TDRP: variants seen among roughly 807,000 people sequenced by gnomAD.
TDRP encodes the protein testis development-related protein.
In TDRP, 12 loss-of-function variants were observed where a neutral mutation model predicts 10.5. That is an observed-to-expected ratio of 1.15 (90% CI 0.73 to 1.86). The LOEUF is 1.86. TDRP is among the 40% of genes most tolerant of loss of function. The pLI is 0.00. For missense variants in TDRP, 353 were observed against 229.2 expected (o/e 1.54, Z -3.49); for synonymous variants, 139 against 95.4 (o/e 1.46, Z -2.67).
At chr8:506,144 G>C (rs1468699911) in intron 1 of TDRP, among the ~76,000 whole-genome samples, 1 of 152,154 alleles carries the variant, frequency 6.6e-6, no homozygotes, top group Non-Finnish European at 1.5e-5. Context: ...AGATTTCCCT[G>C]TTTTTGCTGT....
intron 1 of TDRP, among the ~76,000 whole-genome samples, chr8:499,225 T>TTTTTG (rs76093312): frequency 0.12 from 17,612 of 151,958 alleles, 1,237 homozygotes; most frequent in African/African-American, 0.21. Flanking sequence ...TCAAACAACG[T>TTTTTG]TTTTGTTTTG....
intron 1 of TDRP, among the ~76,000 whole-genome samples, chr8:519,273 T>C (rs533178585): frequency 2.0e-5 from 3 of 152,312 alleles, no homozygotes; most frequent in East Asian, 3.9e-4. Flanking sequence ...TCCCCTTTGC[T>C]ATCTCTCTTC....
intron 1 of TDRP, among the ~76,000 whole-genome samples, chr8:538,868 C>T (rs1802417393): frequency 6.6e-6 from 1 of 152,234 alleles, no homozygotes; most frequent in African/African-American, 2.4e-5. Context: ...TCTCACCACA[C>T]TGGTGAGAAA....
At chr8:536,375 G>A (rs1224797960) in intron 1 of TDRP, among the ~76,000 whole-genome samples, 1 of 152,184 alleles carries the variant, frequency 6.6e-6, no homozygotes, top group Admixed American at 6.5e-5. Flanking sequence ...CTGAGGACCT[G>A]AAATAGGGCT....
At chr8:533,904 G>GA (rs1174638703) in intron 1 of TDRP, among the ~76,000 whole-genome samples, 3 of 151,948 alleles carry the variant, frequency 2.0e-5, no homozygotes, top group African/African-American at 7.3e-5. Context: ...TTTAATACAA[G>GA]AAACTCTTTA....
At chr8:534,626 A>G (rs935556) in intron 1 of TDRP, among the ~76,000 whole-genome samples, 83,941 of 152,028 alleles carry the variant, frequency 0.55, 24,540 homozygotes, top group Admixed American at 0.65. Flanking sequence ...AACATGTAAA[A>G]AAAAGGTAGT....
intron 1 of TDRP, among the ~76,000 whole-genome samples, chr8:508,213 T>C (rs1291727506): frequency 6.6e-6 from 1 of 152,104 alleles, no homozygotes; most frequent in African/African-American, 2.4e-5. Flanking sequence ...AAATGAAAAG[T>C]ATAATACATG....
At chr8:508,202 G>C (rs951269187) in intron 1 of TDRP, among the ~76,000 whole-genome samples, 3 of 152,184 alleles carry the variant, frequency 2.0e-5, no homozygotes, top group African/African-American at 7.2e-5. Context: ...GGAATTTCTA[G>C]AAATGAAAAG....
intron 2 of TDRP, 47 bp from the exon 3 acceptor site, chr8:492,791 C>A: frequency 7.2e-7 from 1 of 1,381,000 alleles, no homozygotes; most frequent in South Asian, 1.6e-5. Context: ...GGTCTTAGGG[C>A]CTCAAGCTTT....
In TDRP at chr8:543,481, T is replaced by C. The variant is rs188023510; in HGVS notation, c.108+1169A>G. Among the ~76,000 whole-genome samples the C allele has an allele frequency of 1.3e-3, 204 of 152,200 alleles. 1 individual carries two copies. The highest frequency in any genetic ancestry group is 4.7e-3 in the African/African-American group (196 of 41,498). ...TATTTGTAGCTTCTGCAGTTAACTC[T>C]GTAGCCACATATAAATTCTCATCAT... On this transcript the variant is annotated intron_variant, in intron 1 of 2. Coordinates refer to ENST00000324079, the MANE Select transcript of TDRP (RefSeq NM_001384899.1).
At chr8:525,649 T>G (rs555969309) in intron 1 of TDRP, among the ~76,000 whole-genome samples, 5 of 152,258 alleles carry the variant, frequency 3.3e-5, no homozygotes, top group South Asian at 4.1e-4. Context: ...TTATATTATT[T>G]GCAAGCCTCA....
chr8:530,699 G>C (rs1306287464), intron 1 of TDRP, among the ~76,000 whole-genome samples: 1 of 152,194 alleles, frequency 6.6e-6, no homozygotes, highest in African/African-American at 2.4e-5. Context: ...AACAGGCTGT[G>C]GAGCTCTCGC....
intron 1 of TDRP, among the ~76,000 whole-genome samples, chr8:499,889 C>T (rs1038343077): frequency 3.1e-4 from 47 of 152,280 alleles, no homozygotes; most frequent in Admixed American, 7.8e-4. Context: ...TCTTAGGTGG[C>T]GACAGCCTAA....
At chr8:514,427 T>C (rs2116796323) in intron 1 of TDRP, among the ~76,000 whole-genome samples, 1 of 152,266 alleles carries the variant, frequency 6.6e-6, no homozygotes, top group African/African-American at 2.4e-5. Flanking sequence ...AGTTGGATCT[T>C]CACACCTGCC....
chr8:494,610 T>G lies in TDRP; in HGVS notation c.109-13A>C. ...TTGCTCCCTGAACCTAATAAAAGGTTAAGAAAAATGTCAAATCTGATGTCA... is the reference window on the plus strand; with the variant it reads ...TTGCTCCCTGAACCTAATAAAAGGTGAAGAAAAATGTCAAATCTGATGTCA... On this transcript the variant is annotated splice_polypyrimidine_tract_variant and intron_variant, in intron 1 of 2. Coordinates refer to ENST00000324079, the MANE Select transcript of TDRP (RefSeq NM_001384899.1). The G allele has an allele frequency of 6.2e-7, 1 of 1,610,272 alleles. No homozygotes were observed. The highest frequency in any genetic ancestry group is 1.3e-5 in the African/African-American group (1 of 74,966).
rs1241226674 is a variant in TDRP at position 490,232 on chromosome 8, C to T, written c.*2167G>A. Reference sequence around the variant, plus strand: ...ACCAATAAATATTTATATTAAAAACCACAGTTAATTTAATCAGGCACAGAA... The same window carrying T: ...ACCAATAAATATTTATATTAAAAACTACAGTTAATTTAATCAGGCACAGAA... On this transcript the variant is annotated 3_prime_UTR_variant, in exon 3 of 3. Coordinates refer to ENST00000324079, the MANE Select transcript of TDRP (RefSeq NM_001384899.1). The T allele has an allele frequency of 1.3e-5, 2 of 152,070 alleles. No individual in the cohort carries two copies. Among genetic ancestry groups the T allele is most frequent in the Non-Finnish European group, 2.9e-5 (2 of 68,010 alleles). 9.4% of individuals were successfully genotyped at this position (152,070 alleles called of 1,614,324 possible).
intron 1 of TDRP, among the ~76,000 whole-genome samples, chr8:542,292 G>A (rs369142646): frequency 1.3e-5 from 2 of 151,692 alleles, no homozygotes; most frequent in Admixed American, 1.3e-4. Context: ...CAAAACTCCT[G>A]TGTGTGACAC....
In TDRP at chr8:492,762, G is replaced by A. The variant is rs778759116; in HGVS notation, c.213-18C>T. 14 of 1,558,144 alleles carry A rather than the reference G, an allele frequency of 9.0e-6. No homozygotes were observed. Among genetic ancestry groups the A allele is most frequent in the Non-Finnish European group, 1.2e-5 (14 of 1,149,024 alleles). On this transcript the variant is annotated intron_variant, in intron 2 of 2. Coordinates refer to ENST00000324079, the MANE Select transcript of TDRP (RefSeq NM_001384899.1). ...AGTTAGTTCTATAGGAGATGAAAGA[G>A]TTAGGTGTTGGTGACCCAGGTCTTA...
intron 1 of TDRP, among the ~76,000 whole-genome samples, chr8:535,339 C>G (rs947033463): frequency 2.0e-5 from 3 of 152,058 alleles, no homozygotes; most frequent in African/African-American, 7.2e-5. Context: ...CTCACAGCAA[C>G]CCCCACAGAA....
Sources: allele counts gnomAD v4.1 joint callset (sites outside exome capture counted in the v4.1 genomes callset), GRCh38; gene constraint gnomAD v4.1.1; transcripts MANE v1.5; gene names NCBI Gene and HGNC (gene_info 2026-07-23, HGNC 2026-07-21).